WIZ: variants seen among roughly 807,000 people sequenced by gnomAD.
The protein encoded by WIZ is protein Wiz.
In WIZ, 25 loss-of-function variants were observed where a neutral mutation model predicts 140.2. The ratio of observed to expected loss-of-function variants is 0.18; its 90% CI spans 0.13 to 0.25. The LOEUF (loss-of-function observed/expected upper bound fraction) is 0.25. WIZ is among the 10% of genes least tolerant of loss of function. WIZ has a pLI of 1.00. For synonymous variants in WIZ, 1,125 were observed against 1,154.3 expected (o/e 0.97, Z 0.51); for missense variants, 2,231 against 2,632.6 (o/e 0.85, Z 3.34).
At position 15,439,646 on chromosome 19, in the gene WIZ, T is replaced by C. The variant is rs866176897; in HGVS notation, c.1348A>G (p.Ser450Gly). ...CCGTAGGGCTGATAGAGGAGGGCGC[T>C]GGCCTCAGGGCTGGGGCTGCCAGCC... Reference protein sequence around the residue: ...SGAGSPSPEASALLYQPYGAA... With the variant: ...SGAGSPSPEAGALLYQPYGAA... The change falls in exon 4 of 13, where the codon AGC becomes GGC. Residue 450 changes from serine (S) to glycine (G), a missense_variant. Physicochemically the swap from Ser to Gly is moderately conservative, Grantham distance 56. Around this residue, in one of 15 missense-constraint regions of WIZ, gnomAD observed 475 missense variants for 520.2 expected, o/e 0.91. Transcript: ENST00000673675. This position sits in a 1 kb window ranked among gnomAD's most constrained non-coding sequence, Gnocchi z 7.0. The C allele has an allele frequency of 2.0e-6, 3 of 1,495,392 alleles. No homozygotes were observed. The highest frequency in any genetic ancestry group is 2.8e-5 in the African/African-American group (2 of 71,122). The allele number at this position is 1,495,392 out of a possible 1,614,324, so 92.6% of individuals were successfully genotyped here. A position where few individuals can be genotyped will look rare whatever the true frequency, so the allele number is the denominator to read the frequency against.
rs1446711997 is a variant in WIZ, at chr19:15,438,636, G to A, written c.2358C>T (p.Ser786=). 1.2e-5 allele frequency: 18 copies of A among 1,533,780 alleles called. No individual in the cohort carries two copies. Among genetic ancestry groups the A allele is most frequent in the East Asian group, 2.4e-5 (1 of 40,846 alleles). ...GCTCAATGGCCTTCACCTCCTCAGC[G>A]GAGATGAAATGGCGCACATTGTAGC... ...GVSYNVRHFI[S]AEEVKAIERR... is the part of the protein sequence containing the mutation. Residue 786 remains serine (S), a synonymous_variant, in exon 4 of 13, where the codon TCC becomes TCT. Transcript: ENST00000673675.
chr19:15,427,611 T>C lies in WIZ; in HGVS notation c.3815-78A>G. ...CACCTGCAGGAGTGTCCTGGTCGGC[T>C]GGGCGTGGGCGGCAGCAGCACGCCC... On this transcript the variant is annotated intron_variant, in intron 8 of 12. Transcript: ENST00000673675. This position sits in a 1 kb window ranked among gnomAD's most constrained non-coding sequence, Gnocchi z 6.4. 6.8e-7 allele frequency: 1 copy of C among 1,470,758 alleles called. No individual in the cohort carries two copies. The highest frequency in any genetic ancestry group is 1.3e-5 in the South Asian group (1 of 75,032). The allele number at this position is 1,470,758 out of a possible 1,614,324, so 91.1% of individuals were successfully genotyped here. A position where few individuals can be genotyped will look rare whatever the true frequency, so the allele number is the denominator to read the frequency against.
intron 4 of WIZ, among the ~76,000 whole-genome samples, chr19:15,438,057 G>T (rs933842376): frequency 6.6e-6 from 1 of 152,074 alleles, no homozygotes; most frequent in African/African-American, 2.4e-5. Context: ...TCCCCAAGTG[G>T]GCTTTGTGTC....
At position 15,427,676 on chromosome 19, in the gene WIZ, G is replaced by A. The variant is rs1968934098; in HGVS notation, c.3815-143C>T. ...TGAGGGCAGGTGCAGGTAAGGGAGT[G>A]GAGGAGCGGGGCTGGGGGCCAGATA... On this transcript the variant is annotated intron_variant, in intron 8 of 12. Transcript: ENST00000673675. The surrounding 1 kb of genome is among the most constrained non-coding windows in gnomAD (Gnocchi z 6.4). The A allele has an allele frequency of 3.2e-6, 3 of 932,232 alleles. No homozygotes were observed. The highest frequency in any genetic ancestry group is 4.7e-6 in the Non-Finnish European group (3 of 639,060). 57.7% of individuals were successfully genotyped at this position (932,232 alleles called of 1,614,324 possible).
chr19:15,427,153 G>C lies in WIZ; in HGVS notation c.4195C>G (p.Arg1399Gly), dbSNP rs767795593. 2 of 1,614,182 alleles carry C rather than the reference G, an allele frequency of 1.2e-6. No individual in the cohort carries two copies. Among genetic ancestry groups the C allele is most frequent in the South Asian group, 2.2e-5 (2 of 91,084 alleles). Reference protein sequence around the residue: ...SPTASPPPTARKMFPGLAAPS... With the variant: ...SPTASPPPTAGKMFPGLAAPS... ...GCAGCCAGGCCTGGGAACATCTTTC[G>C]GGCCGTAGGAGGAGGAGAGGCAGTT... Residue 1399 changes from arginine to glycine, a missense_variant, in exon 9 of 13, where the codon CGA becomes GGA. By Grantham distance (125) the Arg-to-Gly change is moderately radical. Transcript: ENST00000673675. The surrounding 1 kb of genome is among the most constrained non-coding windows in gnomAD (Gnocchi z 6.4).
At chr19:15,426,916 C>G (rs910872053) in intron 9 of WIZ, 66 bp downstream of exon 9, 115 of 1,540,440 alleles carry the variant, frequency 7.5e-5, no homozygotes, top group Non-Finnish European at 9.0e-5. Flanking sequence ...CTGGATACCC[C>G]CAAGGGGAGG....
At position 15,420,882 on chromosome 19, in the gene WIZ, T is replaced by C. The variant is rs1968342766; in HGVS notation, c.*2194A>G. On this transcript the variant is annotated 3_prime_UTR_variant, in exon 13 of 13. Transcript: ENST00000673675. The stretch of plus-strand genomic sequence containing the variant: ...GCTCACGCCTGTAATCCCAGCACTT[T>C]GGGAGGCTGATCACTTGAGCTCAGG... The C allele has an allele frequency of 6.6e-6, 1 of 152,232 alleles. No individual in the cohort carries two copies. The highest frequency in any genetic ancestry group is 6.5e-5 in the Admixed American group (1 of 15,282). 9.4% of individuals were successfully genotyped at this position (152,232 alleles called of 1,614,324 possible). A position where few individuals can be genotyped will look rare whatever the true frequency, so the allele number is the denominator to read the frequency against.
rs936584732 is a variant in WIZ at position 15,442,370 on chromosome 19, G to C, written c.278+306C>G. Among the ~76,000 whole-genome samples, 2 of 152,176 alleles carry C rather than the reference G, an allele frequency of 1.3e-5. No individual in the cohort carries two copies. The highest frequency in any genetic ancestry group is 6.5e-5 in the Admixed American group (1 of 15,288). Reference sequence around the variant, plus strand: ...AGATGAGAAAACTGAGGCCCAGAGAGGCCTAGTATCATTCTAAGGGTCACC... The same window carrying C: ...AGATGAGAAAACTGAGGCCCAGAGACGCCTAGTATCATTCTAAGGGTCACC... On this transcript the variant is annotated intron_variant, in intron 3 of 12. Coordinates refer to ENST00000673675, the MANE Select transcript of WIZ (RefSeq NM_001371589.1). The surrounding 1 kb of genome is among the most constrained non-coding windows in gnomAD (Gnocchi z 5.5).
chr19:15,429,561 C>A lies in WIZ; in HGVS notation c.3415+25G>T, dbSNP rs1375861507. On this transcript the variant is annotated intron_variant, in intron 7 of 12. Coordinates refer to ENST00000673675, the MANE Select transcript of WIZ (RefSeq NM_001371589.1). Reference sequence around the variant, plus strand: ...CGACCCTCCCAGCGCCAGAACCTCCCTCGGCTCTTGGGACCCACACTCACT... The same window carrying A: ...CGACCCTCCCAGCGCCAGAACCTCCATCGGCTCTTGGGACCCACACTCACT... The A allele has an allele frequency of 9.5e-5, 128 of 1,344,784 alleles. No homozygotes were observed. The East Asian group carries it at 3.6e-3, about 38-fold the overall frequency. The allele number at this position is 1,344,784 out of a possible 1,614,324, so 83.3% of individuals were successfully genotyped here. A position where few individuals can be genotyped will look rare whatever the true frequency, so the allele number is the denominator to read the frequency against.
Position 15,427,470 on chromosome 19 carries a change from C to T in WIZ, c.3878G>A (p.Arg1293His). The T allele has an allele frequency of 1.9e-6, 3 of 1,613,356 alleles. No individual in the cohort carries two copies. Among genetic ancestry groups the T allele is most frequent in the Non-Finnish European group, 1.7e-6 (2 of 1,179,938 alleles). The change falls in exon 9 of 13, where the codon CGC becomes CAC. Residue 1293 changes from arginine to histidine, a missense_variant. This residue lies in a region of WIZ where 10 missense variants were observed against 36.3 expected (regional missense o/e 0.28). Coordinates refer to ENST00000673675, the MANE Select transcript of WIZ (RefSeq NM_001371589.1). This position sits in a 1 kb window ranked among gnomAD's most constrained non-coding sequence, Gnocchi z 6.4. ...GCGCGCGTGGCTCGAGAGGCCCTTG[C>T]GGTTCTCGAAGAACTCACCACAGAA... is the stretch of plus-strand genomic sequence containing the variant. Reference protein sequence around the residue: ...CEFCGEFFENRKGLSSHARSH... With the variant: ...CEFCGEFFENHKGLSSHARSH...
chr19:15,425,652 C>T lies in WIZ; in HGVS notation c.4483G>A (p.Glu1495Lys), dbSNP rs1387762877. Residue 1495 changes from glutamate (E) to lysine (K), a missense_variant, in exon 10 of 13, where the codon GAG becomes AAG. This residue lies in a region of WIZ where 393 missense variants were observed against 451.7 expected (regional missense o/e 0.87). Transcript: ENST00000673675. Reference sequence around the variant, plus strand: ...ATGGGCGAACCATTGACGGACCACTCGGTCACACCCATCTGCCGCAGGTGT... The same window carrying T: ...ATGGGCGAACCATTGACGGACCACTTGGTCACACCCATCTGCCGCAGGTGT... ...RSHLRQMGVT[E>K]WSVNGSPIDT... 8 of 1,613,520 alleles carry T rather than the reference C, an allele frequency of 5.0e-6. No homozygotes were observed. Among genetic ancestry groups the T allele is most frequent in the East Asian group, 2.2e-5 (1 of 44,862 alleles).
chr19:15,436,896 T>C lies in WIZ; in HGVS notation c.2650A>G (p.Ser884Gly). ...LGREPGGPPG[S>G]FLTSRRPRLP... ...CGGGGCCGACGGGAGGTCAGGAAGC[T>C]GCCAGGCGGACCCCCAGGCTCTCGG... Residue 884 changes from serine (S) to glycine (G), a missense_variant, in exon 5 of 13, where the codon AGC becomes GGC. By Grantham distance (56) the Ser-to-Gly change is moderately conservative. Coordinates refer to ENST00000673675, the MANE Select transcript of WIZ (RefSeq NM_001371589.1). 6.2e-7 allele frequency: 1 copy of C among 1,612,840 alleles called. No individual in the cohort carries two copies. Among genetic ancestry groups the C allele is most frequent in the Non-Finnish European group, 8.5e-7 (1 of 1,179,526 alleles).
intron 5 of WIZ, among the ~76,000 whole-genome samples, chr19:15,434,131 G>A (rs1374705085): frequency 2.0e-5 from 3 of 151,974 alleles, no homozygotes; most frequent in East Asian, 1.9e-4. Context: ...GGTGGTGGGC[G>A]CCTGTAATCC....
intron 4 of WIZ, among the ~76,000 whole-genome samples, chr19:15,437,940 C>T (rs138417702): frequency 4.6e-5 from 7 of 152,230 alleles, no homozygotes; most frequent in East Asian, 3.9e-4. Flanking sequence ...CACTCGGTGT[C>T]GTCACTGCCT....
At chr19:15,443,693 C>T (rs1192225045) in intron 2 of WIZ, among the ~76,000 whole-genome samples, 1 of 152,154 alleles carries the variant, frequency 6.6e-6, no homozygotes, top group Non-Finnish European at 1.5e-5. Flanking sequence ...TTGCTGGGTC[C>T]CCTACTAGCA....
At chr19:15,444,969 G>C (rs1568315330) in intron 2 of WIZ, among the ~76,000 whole-genome samples, 1 of 152,200 alleles carries the variant, frequency 6.6e-6, no homozygotes, top group Non-Finnish European at 1.5e-5. Flanking sequence ...TTCCAGCGAG[G>C]CTCCTATTTT....
At chr19:15,423,998 T>G in intron 12 of WIZ, 185 bp downstream of exon 12, 1 of 516,314 alleles carries the variant, frequency 1.9e-6, no homozygotes, top group South Asian at 3.8e-5. Context: ...AGAGTTGGGA[T>G]TTGAACCCAG....
rs142870471 is a variant in WIZ at position 15,440,963 on chromosome 19, G to T, written c.279-248C>A. ...ACAAAGCCTAGCCCCGCTGCATTGT[G>T]GGGGAATGTACGGAGACCACCCCTG... On this transcript the variant is annotated intron_variant, in intron 3 of 12. Transcript: ENST00000673675. This position sits in a 1 kb window ranked among gnomAD's most constrained non-coding sequence, Gnocchi z 6.2. Among the ~76,000 whole-genome samples, 1 of 152,152 alleles carries T rather than the reference G, an allele frequency of 6.6e-6. No individual in the cohort carries two copies. Among genetic ancestry groups the T allele is most frequent in the African/African-American group, 2.4e-5 (1 of 41,416 alleles).
Position 15,420,283 on chromosome 19 carries a change from T to C in WIZ, c.*2793A>G, listed in dbSNP as rs1968321205. ...TTGGAATTCTCCATGATAAACTGTTTTAATAAAACTCCCCCCACCCAAATG... is the reference window on the plus strand; with the variant it reads ...TTGGAATTCTCCATGATAAACTGTTCTAATAAAACTCCCCCCACCCAAATG... On this transcript the variant is annotated 3_prime_UTR_variant, in exon 13 of 13. Coordinates refer to ENST00000673675, the MANE Select transcript of WIZ (RefSeq NM_001371589.1). 6.6e-6 allele frequency: 1 copy of C among 152,246 alleles called. No homozygotes were observed. Among genetic ancestry groups the C allele is most frequent in the African/African-American group, 2.4e-5 (1 of 41,462 alleles). 9.4% of individuals were successfully genotyped at this position (152,246 alleles called of 1,614,324 possible).
Sources: gnomAD v4.1 joint callset for allele counts (sites outside exome capture counted in the v4.1 genomes callset) on GRCh38, gnomAD v4.1.1 for gene constraint, gnomAD v4.1.1 regional missense constraint, Gnocchi (gnomAD v3.1) non-coding constraint, MANE v1.5 for transcripts, NCBI Gene and HGNC (gene_info 2026-07-23, HGNC 2026-07-21) for gene names.